PDPR: variants seen among roughly 807,000 people sequenced by gnomAD.
The protein encoded by PDPR is pyruvate dehydrogenase phosphatase regulatory subunit.
A neutral mutation model predicts 102.2 loss-of-function variants in PDPR; 50 were observed. That is an observed-to-expected ratio of 0.49 (90% CI 0.39 to 0.62). The LOEUF is 0.62. Ranked by LOEUF, PDPR falls within the 20% of genes least tolerant of loss-of-function variation. The probability of loss-of-function intolerance (pLI) is 0.00; values close to 1 mark genes in which losing one functional copy is unlikely to be tolerated. For synonymous variants in PDPR, 259 were observed against 406.0 expected (o/e 0.64, Z 4.35); for missense variants, 625 against 1,098.2 (o/e 0.57, Z 6.09).
At chr16:70,145,070 T>C (rs1373884898) in intron 15 of PDPR, among the ~76,000 whole-genome samples, 2 of 151,444 alleles carry the variant, frequency 1.3e-5, no homozygotes, top group Non-Finnish European at 2.9e-5. Context: ...CTGGCCAACA[T>C]GGTGAAACCC....
downstream of PDPR, among the ~76,000 whole-genome samples, chr16:70,163,004 A>G (rs1967923218): frequency 6.6e-6 from 1 of 152,258 alleles, no homozygotes; most frequent in Admixed American, 6.5e-5. Flanking sequence ...AGGCTGGAGT[A>G]CAGTGGTGTG....
At chr16:70,123,449 G>T (rs2869118) in intron 3 of PDPR, among the ~76,000 whole-genome samples, 1 of 151,882 alleles carries the variant, frequency 6.6e-6, no homozygotes, top group Non-Finnish European at 1.5e-5. Flanking sequence ...TGTTGTCCAG[G>T]CTGGCCTCAA....
chr16:70,153,399 G>T lies in PDPR; in HGVS notation c.2061G>T (p.Leu687=). 1 of 1,613,382 alleles carries T rather than the reference G, an allele frequency of 6.2e-7. No individual in the cohort carries two copies. Among genetic ancestry groups the T allele is most frequent in the East Asian group, 2.2e-5 (1 of 44,872 alleles). Residue 687 remains leucine, a synonymous_variant, in exon 18 of 19, where the codon CTG becomes CTT. Transcript: ENST00000288050. The part of the protein sequence containing the change: ...FMLYIPIEYA[L]HVYNEVMSVG... ...TCTGTCTCTTCCTATAGTACGCCCT[G>T]CATGTATACAATGAAGTGATGAGTG...
intron 18 of PDPR, 110 bp from the exon 19 acceptor site, chr16:70,156,365 G>A: frequency 7.5e-7 from 1 of 1,330,030 alleles, no homozygotes; most frequent in East Asian, 2.4e-5. Flanking sequence ...TGTGGGAGGA[G>A]GCGGCTGTGC....
intron 6 of PDPR, 125 bp downstream of exon 6, chr16:70,129,247 C>A (rs1964297660): frequency 6.5e-7 from 1 of 1,543,866 alleles, no homozygotes; most frequent in Non-Finnish European, 8.9e-7. Flanking sequence ...GGGTACTCAG[C>A]CTCCATTTTG....
rs1024355576 is a variant in PDPR, at chr16:70,156,850, A to T, written c.2611A>T (p.Met871Leu). The change falls in exon 19 of 19, where the codon ATG (methionine) becomes TTG (leucine). Residue 871 changes from methionine (M) to leucine (L), a missense_variant. Physicochemically the swap from Met to Leu is conservative, Grantham distance 15. This residue lies in a region of PDPR where 303 missense variants were observed against 258.9 expected (regional missense o/e 1.17). Coordinates refer to ENST00000288050, the MANE Select transcript of PDPR (RefSeq NM_017990.5). Reference protein sequence around the residue: ...LFTQKRRKDDMELSDLHGK With the variant: ...LFTQKRRKDDLELSDLHGK ...CACCCAGAAGCGCCGAAAGGATGAC[A>T]TGGAGCTGAGTGACTTACATGGGAA... is the stretch of plus-strand genomic sequence containing the variant. The T allele has an allele frequency of 4.3e-6, 7 of 1,613,804 alleles. No homozygotes were observed. The highest frequency in any genetic ancestry group is 1.3e-5 in the African/African-American group (1 of 74,946).
Position 70,156,590 on chromosome 16 carries a change from G to A in PDPR, c.2351G>A (p.Trp784Ter), listed in dbSNP as rs1967231231. 1.2e-6 allele frequency: 2 copies of A among 1,613,976 alleles called. No homozygotes were observed. Among genetic ancestry groups the A allele is most frequent in the South Asian group, 1.1e-5 (1 of 91,090 alleles). Residue 784 changes from tryptophan (W) to a stop codon, truncating the protein, a stop_gained, in exon 19 of 19, where the codon TGG becomes TAG. Coordinates refer to ENST00000288050, the MANE Select transcript of PDPR (RefSeq NM_017990.5). LOFTEE classifies it high-confidence loss of function. Reference protein sequence around the residue: ...DHDSDLDLWPWWGEPIYRNGQ... With the variant: ...DHDSDLDLWP ...GATTCAGACCTAGACCTTTGGCCTT[G>A]GTGGGGAGAGCCCATTTACCGGAAT...
intron 3 of PDPR, among the ~76,000 whole-genome samples, chr16:70,126,986 A>G (rs1964042733): frequency 6.6e-6 from 1 of 152,266 alleles, no homozygotes; most frequent in Non-Finnish European, 1.5e-5. Context: ...CTGGGACTGC[A>G]GGCATGTGCT....
intron 3 of PDPR, 54 bp downstream of exon 3, chr16:70,120,773 T>G: frequency 8.7e-7 from 1 of 1,150,304 alleles, no homozygotes; most frequent in Non-Finnish European, 1.3e-6. Flanking sequence ...TCGTATAAGA[T>G]TCCCTCTCCT....
chr16:70,127,562 G>C (rs1449871247), intron 4 of PDPR, among the ~76,000 whole-genome samples, 169 bp downstream of exon 4: 3 of 152,288 alleles, frequency 2.0e-5, no homozygotes, highest in Non-Finnish European at 4.4e-5. Flanking sequence ...GGCCGAGGCA[G>C]GCGGATCACG....
At chr16:70,150,421 A>G (rs1272397324) in intron 17 of PDPR, among the ~76,000 whole-genome samples, 1 of 152,026 alleles carries the variant, frequency 6.6e-6, no homozygotes, top group Non-Finnish European at 1.5e-5. Flanking sequence ...CTTTCTTCCT[A>G]TAATTTCCTT....
At chr16:70,153,628 C>T (rs1966856200) in intron 18 of PDPR, 55 bp downstream of exon 18, 6 of 1,495,324 alleles carry the variant, frequency 4.0e-6, no homozygotes, top group Non-Finnish European at 5.4e-6. Flanking sequence ...AGTGAATCTG[C>T]ACTAGACTAG....
chr16:70,138,600 G>C (rs1965405906), intron 10 of PDPR, among the ~76,000 whole-genome samples: 1 of 152,186 alleles, frequency 6.6e-6, no homozygotes, highest in African/African-American at 2.4e-5. Context: ...GCAATCTCCT[G>C]CCTCAGCCTC....
intron 11 of PDPR, among the ~76,000 whole-genome samples, chr16:70,141,180 A>C (rs1382910951): frequency 2.0e-5 from 3 of 152,152 alleles, no homozygotes; most frequent in Non-Finnish European, 4.4e-5. Context: ...CAGCCTCCCG[A>C]GTAGCTGGGA....
chr16:70,146,444 C>T (rs1180917521), intron 16 of PDPR, among the ~76,000 whole-genome samples: 2 of 145,050 alleles, frequency 1.4e-5, no homozygotes, highest in Non-Finnish European at 3.0e-5. Context: ...CATGGTGAGA[C>T]CCTGTCTCTG....
intron 2 of PDPR, among the ~76,000 whole-genome samples, chr16:70,117,586 G>A (rs1354850026): frequency 6.6e-6 from 1 of 152,124 alleles, no homozygotes; most frequent in East Asian, 1.9e-4. Flanking sequence ...GGGAGAGGTG[G>A]CAGGAACCAT....
At position 70,130,477 on chromosome 16, in the gene PDPR, A is replaced by C. The variant is rs746584856; in HGVS notation, c.662A>C (p.Gln221Pro). 3 of 1,613,880 alleles carry C rather than the reference A, an allele frequency of 1.9e-6. No individual in the cohort carries two copies. In the South Asian group the frequency reaches 3.3e-5, roughly 18 times the overall value. The change falls in exon 7 of 19, where the codon CAA becomes CCA. Residue 221 changes from glutamine (Q) to proline (P), a missense_variant. This residue lies in a region of PDPR where 35 missense variants were observed against 63.5 expected (regional missense o/e 0.55). Coordinates refer to ENST00000288050, the MANE Select transcript of PDPR (RefSeq NM_017990.5). ...SVLHVMVKKG[Q>P]VTGVETDKGQ... Reference sequence around the variant, plus strand: ...CTTCATGTAATGGTCAAAAAAGGTCAAGTTACTGGAGTGGAGACCGATAAA... The same window carrying C: ...CTTCATGTAATGGTCAAAAAAGGTCCAGTTACTGGAGTGGAGACCGATAAA...
At position 70,118,769 on chromosome 16, in the gene PDPR, G is replaced by C. The variant is rs1256060456; in HGVS notation, c.-32-1692G>C. On this transcript the variant is annotated intron_variant, in intron 2 of 18. Coordinates refer to ENST00000288050, the MANE Select transcript of PDPR (RefSeq NM_017990.5). ...CCGGGTAGAGAAGCTTCTGTTTTGA[G>C]ATGGTGCTTAACAGGGACCAGGGAT... Among the ~76,000 whole-genome samples the C allele has an allele frequency of 2.0e-5, 3 of 152,188 alleles. No homozygotes were observed. In the East Asian group the frequency reaches 5.8e-4, roughly 29 times the overall value.
At chr16:70,145,728 G>A (rs1966187211) in intron 15 of PDPR, 1 of 456,472 alleles carries the variant, frequency 2.2e-6, no homozygotes, top group Non-Finnish European at 4.3e-6. Flanking sequence ...CTGGTGTCCA[G>A]AATAATGCTT....
Sources: allele counts gnomAD v4.1 joint callset (sites outside exome capture counted in the v4.1 genomes callset), GRCh38; gene constraint gnomAD v4.1.1; regional missense constraint gnomAD v4.1.1; transcripts MANE v1.5; gene names NCBI Gene and HGNC (gene_info 2026-07-23, HGNC 2026-07-21).